Variants in KCNIP4 observed in about 807,000 individuals in gnomAD.
The protein encoded by KCNIP4 is potassium voltage-gated channel interacting protein 4.
In KCNIP4, 12 loss-of-function variants were observed where a neutral mutation model predicts 34.0. That is an observed-to-expected ratio of 0.35 (90% CI 0.23 to 0.57). KCNIP4 has a LOEUF of 0.57. Ranked by LOEUF, KCNIP4 falls within the 20% of genes least tolerant of loss-of-function variation. KCNIP4 has a pLI of 0.83. For missense variants in KCNIP4, 238 were observed against 311.7 expected (o/e 0.76, Z 1.78); for synonymous variants, 124 against 102.2 (o/e 1.21, Z -1.29).
chr4:21,264,099 C>G (rs774163797), intron 1 of KCNIP4, among the ~76,000 whole-genome samples: 11 of 93,178 alleles, frequency 1.2e-4, no homozygotes, highest in Non-Finnish European at 1.7e-4. Flanking sequence ...TAAACCTCAT[C>G]ATGCAGCCTC....
intron 1 of KCNIP4, among the ~76,000 whole-genome samples, chr4:21,797,262 C>A (rs900411921): frequency 2.6e-5 from 4 of 152,142 alleles, no homozygotes; most frequent in African/African-American, 9.7e-5. Context: ...ACCTCCGGGC[C>A]ACTGTGTGGC....
chr4:21,718,429 C>A (rs1302909075), intron 1 of KCNIP4: 2 of 151,618 alleles, frequency 1.3e-5, no homozygotes, highest in African/African-American at 2.4e-5. Flanking sequence ...ATGTATTCAA[C>A]CAAAATAATA....
chr4:20,952,478 C>G (rs1029090359), intron 1 of KCNIP4, among the ~76,000 whole-genome samples: 7 of 151,980 alleles, frequency 4.6e-5, no homozygotes, highest in Non-Finnish European at 7.4e-5. Context: ...ATTTTACTAT[C>G]TAGTAATTGA....
chr4:20,763,796 A>G (rs1578561513), intron 3 of KCNIP4, among the ~76,000 whole-genome samples: 1 of 152,152 alleles, frequency 6.6e-6, no homozygotes, highest in South Asian at 2.1e-4. Flanking sequence ...CCCTGCCACA[A>G]GCAATCCTGC....
intron 1 of KCNIP4, among the ~76,000 whole-genome samples, chr4:21,657,853 T>A (rs1748097071): frequency 6.6e-6 from 1 of 152,094 alleles, no homozygotes; most frequent in African/African-American, 2.4e-5. Context: ...TTTTTTTTTT[T>A]TTTTTGAGAC....
intron 1 of KCNIP4, among the ~76,000 whole-genome samples, chr4:21,442,150 C>G (rs1055248661): frequency 2.0e-5 from 3 of 152,174 alleles, no homozygotes; most frequent in Non-Finnish European, 4.4e-5. Flanking sequence ...ATCTTCACCT[C>G]CAGAACCTGC....
intron 1 of KCNIP4, among the ~76,000 whole-genome samples, chr4:21,269,563 G>A (rs979650089): frequency 7.2e-5 from 11 of 151,902 alleles, no homozygotes; most frequent in Admixed American, 6.6e-5. Flanking sequence ...ATGCCACCAT[G>A]CCCAGCTAAT....
chr4:21,069,854 G>C (rs568210809), intron 1 of KCNIP4, among the ~76,000 whole-genome samples: 1 of 152,106 alleles, frequency 6.6e-6, no homozygotes. Context: ...CGACTTTGAC[G>C]TTGGTATAAT....
intron 1 of KCNIP4, among the ~76,000 whole-genome samples, chr4:21,404,973 G>A (rs1345648528): frequency 6.6e-6 from 1 of 152,086 alleles, no homozygotes; most frequent in Non-Finnish European, 1.5e-5. Context: ...GCACTTCCTT[G>A]TAAAAACCAG....
intron 2 of KCNIP4, among the ~76,000 whole-genome samples, chr4:20,861,172 G>A (rs945639292): frequency 6.6e-6 from 1 of 152,120 alleles, no homozygotes; most frequent in Non-Finnish European, 1.5e-5. Context: ...TCCCCTTCCT[G>A]TTATATCATT....
intron 2 of KCNIP4, among the ~76,000 whole-genome samples, chr4:20,857,718 A>G (rs1201547384): frequency 6.6e-6 from 1 of 150,532 alleles, no homozygotes; most frequent in Non-Finnish European, 1.5e-5. Context: ...AATGATACAA[A>G]TAATGATAAC....
At chr4:20,905,720 C>G (rs893075465) in intron 1 of KCNIP4, among the ~76,000 whole-genome samples, 1 of 151,176 alleles carries the variant, frequency 6.6e-6, no homozygotes, top group Non-Finnish European at 1.5e-5. Flanking sequence ...TGGGGTTTCA[C>G]TGTATTGGCT....
intron 1 of KCNIP4, among the ~76,000 whole-genome samples, chr4:20,978,520 A>C (rs1735705579): frequency 6.6e-6 from 1 of 152,216 alleles, no homozygotes; most frequent in Admixed American, 6.5e-5. Context: ...TCGTTGTTCC[A>C]GGAATTTCAC....
chr4:20,849,779 G>A (rs1720806100), intron 3 of KCNIP4, among the ~76,000 whole-genome samples: 2 of 152,174 alleles, frequency 1.3e-5, no homozygotes, highest in South Asian at 4.1e-4. Flanking sequence ...AGGATGAACT[G>A]TTTTCAGATA....
chr4:21,452,038 TC>T (rs34944986), intron 1 of KCNIP4, among the ~76,000 whole-genome samples: 1 of 151,844 alleles, frequency 6.6e-6, no homozygotes, highest in South Asian at 2.1e-4. Context: ...TTCTGTTTCT[TC>T]CCCCCCAACT....
In KCNIP4 at chr4:21,269,515, C is replaced by T. The variant is rs1762014150; in HGVS notation, c.62-386806G>A. Among the ~76,000 whole-genome samples, 3 of 152,200 alleles carry T rather than the reference C, an allele frequency of 2.0e-5. No individual in the cohort carries two copies. The South Asian group carries it at 6.2e-4, about 32-fold the overall frequency. On this transcript the variant is annotated intron_variant, in intron 1 of 8. Coordinates refer to ENST00000382152, the MANE Select transcript of KCNIP4 (RefSeq NM_025221.6). ...CAACCTCCTGGGCTCCAGCAATCTTCCCACCTCGGCCTCCCAAGTAGCTGG... is the reference window on the plus strand; with the variant it reads ...CAACCTCCTGGGCTCCAGCAATCTTTCCACCTCGGCCTCCCAAGTAGCTGG...
At chr4:21,395,602 G>A (rs1722917005) in intron 1 of KCNIP4, among the ~76,000 whole-genome samples, 1 of 151,286 alleles carries the variant, frequency 6.6e-6, no homozygotes, top group Admixed American at 6.6e-5. Flanking sequence ...AACTTAAGAG[G>A]GTACCAGAAA....
chr4:21,371,873 C>G (rs143242526), intron 1 of KCNIP4, among the ~76,000 whole-genome samples: 1 of 146,940 alleles, frequency 6.8e-6, no homozygotes, highest in Admixed American at 6.6e-5. Flanking sequence ...ATATAAGAAT[C>G]AAAATAGCTC....
chr4:20,997,364 T>C (rs774170440), intron 1 of KCNIP4, among the ~76,000 whole-genome samples: 2 of 152,028 alleles, frequency 1.3e-5, no homozygotes, highest in Non-Finnish European at 2.9e-5. Flanking sequence ...CAGAGCATGG[T>C]AGCGTATGTG....
Sources: gnomAD v4.1 joint callset for allele counts (sites outside exome capture counted in the v4.1 genomes callset) on GRCh38, gnomAD v4.1.1 for gene constraint, MANE v1.5 for transcripts, NCBI Gene and HGNC (gene_info 2026-07-23, HGNC 2026-07-21) for gene names.